The following UNC5C variants were observed in gnomAD, a reference collection of about 807,000 sequenced individuals.
UNC5C encodes unc-5 netrin receptor C.
Under a neutral mutation model 99.8 loss-of-function variants are expected in UNC5C, and 47 were observed. The observed-to-expected ratio is 0.47, with a 90% CI of 0.37 to 0.60. UNC5C has a LOEUF of 0.60. Among genes scored for constraint, UNC5C ranks in the 20% least tolerant of loss-of-function variants. The pLI, the probability that UNC5C is intolerant of heterozygous loss-of-function variation, is 0.00. For missense variants in UNC5C, 1,062 were observed against 1,165.9 expected, an observed-to-expected ratio of 0.91 and a Z score of 1.30; for synonymous variants, 487 against 452.2, an observed-to-expected ratio of 1.08 and a Z score of -0.98.
At chr4:95,508,668 T>C (rs1721989208) in intron 1 of UNC5C, among the ~76,000 whole-genome samples, 1 of 151,930 alleles carries the variant, frequency 6.6e-6, no homozygotes, top group African/African-American at 2.4e-5. Flanking sequence ...GTCTAGTTTG[T>C]TCCCAAAAAG....
chr4:95,263,965 T>A (rs1208939936), intron 4 of UNC5C, among the ~76,000 whole-genome samples: 5 of 152,202 alleles, frequency 3.3e-5, no homozygotes, highest in Non-Finnish European at 7.3e-5. Context: ...TAAGAGATAC[T>A]TAAAAATATT....
intron 3 of UNC5C, 64 bp downstream of exon 3, chr4:95,301,542 T>A (rs1356206288): frequency 6.2e-7 from 1 of 1,605,724 alleles, no homozygotes; most frequent in Non-Finnish European, 8.5e-7. Context: ...GTAGTCACAG[T>A]GTAAACTTTC....
At chr4:95,464,466 T>C (rs1488689574) in intron 1 of UNC5C, among the ~76,000 whole-genome samples, 1 of 152,180 alleles carries the variant, frequency 6.6e-6, no homozygotes, top group Non-Finnish European at 1.5e-5. Context: ...GTATCCTGGT[T>C]GGTATACGAA....
chr4:95,393,498 G>A (rs1052263162), intron 1 of UNC5C, among the ~76,000 whole-genome samples: 1 of 152,166 alleles, frequency 6.6e-6, no homozygotes, highest in East Asian at 1.9e-4. Context: ...AGCTGCTCCT[G>A]AAGTATTTTC....
intron 1 of UNC5C, among the ~76,000 whole-genome samples, chr4:95,350,167 AT>A (rs1425314582): frequency 6.6e-6 from 1 of 152,104 alleles, no homozygotes; most frequent in African/African-American, 2.4e-5. Context: ...GTTTGCTAAT[AT>A]GTGGAGGGTC....
chr4:95,242,712 CACT>C, intron 6 of UNC5C, 119 bp from the exon 7 acceptor site: 1 of 1,155,420 alleles, frequency 8.7e-7, no homozygotes, highest in Non-Finnish European at 1.2e-6. Context: ...TACTGAGAAG[CACT>C]GTATTCATTT....
intron 1 of UNC5C, among the ~76,000 whole-genome samples, chr4:95,355,375 C>T (rs1213880510): frequency 6.6e-6 from 1 of 152,140 alleles, no homozygotes; most frequent in Non-Finnish European, 1.5e-5. Context: ...TTCCTAAATA[C>T]ACTTGAGCTC....
intron 1 of UNC5C, among the ~76,000 whole-genome samples, chr4:95,494,538 C>T (rs1449619236): frequency 6.6e-6 from 1 of 151,366 alleles, no homozygotes; most frequent in East Asian, 1.9e-4. Flanking sequence ...GCACAAATGC[C>T]TCTCAAGGAC....
intron 1 of UNC5C, among the ~76,000 whole-genome samples, chr4:95,506,848 T>C (rs1047914843): frequency 3.9e-5 from 6 of 151,990 alleles, no homozygotes; most frequent in Non-Finnish European, 7.4e-5. Flanking sequence ...TCTCTTCTAA[T>C]GCCTTCACTT....
Position 95,478,945 on chromosome 4 carries a change from T to G in UNC5C, c.124+69789A>C, listed in dbSNP as rs550889137. Among the ~76,000 whole-genome samples the G allele has an allele frequency of 2.1e-4, 32 of 151,988 alleles. No individual in the cohort carries two copies. The South Asian group carries it at 3.5e-3, about 17-fold the overall frequency. ...AAAAGGAACCTGGCACCTTCCTGCT[T>G]TCTCTCCTATTCCCCCTCTCATCAT... On this transcript the variant is annotated intron_variant, in intron 1 of 15. Transcript: ENST00000453304.
intron 2 of UNC5C, among the ~76,000 whole-genome samples, chr4:95,327,619 T>C (rs1214440980): frequency 6.6e-6 from 1 of 152,138 alleles, no homozygotes; most frequent in African/African-American, 2.4e-5. Flanking sequence ...TATAGCTTCA[T>C]ATCTGGAGCA....
chr4:95,222,256 A>G, intron 7 of UNC5C: 1 of 1,483,768 alleles, frequency 6.7e-7, no homozygotes, highest in South Asian at 1.4e-5. Flanking sequence ...TTGAAATGGG[A>G]TAAATGAAAC....
chr4:95,450,518 C>A (rs987064203), intron 1 of UNC5C, among the ~76,000 whole-genome samples: 5 of 152,200 alleles, frequency 3.3e-5, no homozygotes, highest in African/African-American at 1.2e-4. Context: ...GGTGGTACTT[C>A]TTACATCAAA....
rs1400754592 is a variant in UNC5C, at chr4:95,183,032, TC to T, written c.2315del (p.Gly772AspfsTer17). On this transcript the variant is annotated frameshift_variant, in exon 14 of 16. Coordinates refer to ENST00000453304, the MANE Select transcript of UNC5C (RefSeq NM_003728.4). LOFTEE classifies it high-confidence loss of function. ...AGGTGCAGTGCAGGTTTCTTTGAGA[TC>T]CACTCCAAACATGGTAAAATGGAAT... The part of the protein sequence containing the change: ...QEIPFYHVWS[G>X]SQRNLHCTFT... The T allele has an allele frequency of 1.9e-6, 3 of 1,611,102 alleles. No homozygotes were observed. The highest frequency in any genetic ancestry group is 2.5e-6 in the Non-Finnish European group (3 of 1,177,712).
chr4:95,382,737 C>T (rs1315484802), intron 1 of UNC5C, among the ~76,000 whole-genome samples: 1 of 152,118 alleles, frequency 6.6e-6, no homozygotes, highest in Middle Eastern at 3.2e-3. Flanking sequence ...GCCTTGCTAT[C>T]ATTTGATTTT....
intron 1 of UNC5C, among the ~76,000 whole-genome samples, chr4:95,399,013 C>G (rs1409717293): frequency 6.6e-6 from 1 of 152,166 alleles, no homozygotes; most frequent in Non-Finnish European, 1.5e-5. Flanking sequence ...AATCTAGTCT[C>G]TTTAATTCTC....
intron 1 of UNC5C, among the ~76,000 whole-genome samples, chr4:95,506,608 G>A (rs930841537): frequency 6.6e-6 from 1 of 151,856 alleles, no homozygotes; most frequent in East Asian, 1.9e-4. Context: ...TTACAGAGGC[G>A]GGGAAGAAAA....
At chr4:95,256,195 G>A (rs2149384314) in intron 4 of UNC5C, among the ~76,000 whole-genome samples, 1 of 152,002 alleles carries the variant, frequency 6.6e-6, no homozygotes, top group African/African-American at 2.4e-5. Context: ...CTTCCTTGGT[G>A]AGCTCATCCA....
At chr4:95,317,917 G>A (rs1742539416) in intron 2 of UNC5C, among the ~76,000 whole-genome samples, 2 of 152,030 alleles carry the variant, frequency 1.3e-5, no homozygotes, top group Non-Finnish European at 2.9e-5. Context: ...CAAATGCTTG[G>A]TGGCTGTAGT....
Sources: allele counts gnomAD v4.1 joint callset (sites outside exome capture counted in the v4.1 genomes callset), GRCh38; gene constraint gnomAD v4.1.1; transcripts MANE v1.5; gene names NCBI Gene and HGNC (gene_info 2026-07-23, HGNC 2026-07-21).